Variants in DNAJB1 observed in about 807,000 individuals in gnomAD.
DNAJB1 encodes the protein dnaJ homolog subfamily B member 1.
A neutral mutation model predicts 24.0 loss-of-function variants in DNAJB1; 14 were observed. The ratio of observed to expected loss-of-function variants is 0.58; its 90% CI spans 0.39 to 0.91. DNAJB1 has a LOEUF of 0.91. Among genes scored for constraint, DNAJB1 ranks in the 40% least tolerant of loss-of-function variants. The probability of loss-of-function intolerance (pLI) is 0.00; values close to 1 mark genes in which losing one functional copy is unlikely to be tolerated. For synonymous variants in DNAJB1, 262 were observed against 174.4 expected, an observed-to-expected ratio of 1.50 and a Z score of -3.96; for missense variants, 517 against 458.1, an observed-to-expected ratio of 1.13 and a Z score of -1.17.
Position 14,518,271 on chromosome 19 carries a change from G to A in DNAJB1, c.79C>T (p.Gln27Ter). Reference sequence around the variant, plus strand: ...TTGTCCGGGTGGTAGCGCAGCGCCTGGCGGCGGTAGGCCCGCTTGATCTCC... The same window carrying A: ...TTGTCCGGGTGGTAGCGCAGCGCCTAGCGGCGGTAGGCCCGCTTGATCTCC... ...DEEIKRAYRR[Q>*]ALRYHPDKNK... is the part of the protein sequence containing the mutation. The change falls in exon 1 of 3, where the codon CAG (glutamine) becomes TAG (stop). Residue 27 changes from glutamine to a stop codon, truncating the protein, a stop_gained. Coordinates refer to ENST00000254322, the MANE Select transcript of DNAJB1 (RefSeq NM_006145.3). LOFTEE classifies it high-confidence loss of function. 6.2e-7 allele frequency: 1 copy of A among 1,609,818 alleles called. No homozygotes were observed. Among genetic ancestry groups the A allele is most frequent in the Non-Finnish European group, 8.5e-7 (1 of 1,178,786 alleles).
intron 1 of DNAJB1, among the ~76,000 whole-genome samples, chr19:14,546,985 G>A (rs2073330396): frequency 6.6e-6 from 1 of 152,144 alleles, no homozygotes; most frequent in Admixed American, 6.6e-5. Context: ...ATGAGCCACT[G>A]CACCCAGCCT....
At chr19:14,538,073 T>C (rs1368719133) in intron 1 of DNAJB1, among the ~76,000 whole-genome samples, 1 of 152,150 alleles carries the variant, frequency 6.6e-6, no homozygotes, top group Admixed American at 6.6e-5. Context: ...TAGTAACATA[T>C]CTAAATCGTG....
chr19:14,535,355 A>G (rs1390218306), intron 1 of DNAJB1, among the ~76,000 whole-genome samples: 1 of 150,084 alleles, frequency 6.7e-6, no homozygotes, highest in African/African-American at 2.5e-5. Flanking sequence ...AAAAATAGAA[A>G]AAGTTAGCTG....
Position 14,516,910 on chromosome 19 carries a change from A to T in DNAJB1, c.348T>A (p.Phe116Leu). The T allele has an allele frequency of 1.2e-6, 2 of 1,613,900 alleles. No individual in the cohort carries two copies. The highest frequency in any genetic ancestry group is 1.1e-5 in the South Asian group (1 of 91,074). ...TGCCTTCCTCCCCGTTCCGCTGCCC[A>T]AAAAAGGTGTCAAAGGGATTTCTGC... is the stretch of plus-strand genomic sequence containing the variant. ...FGGRNPFDTF[F>L]GQRNGEEGMD... Residue 116 changes from phenylalanine (F) to leucine (L), a missense_variant, in exon 2 of 3, where the codon TTT (phenylalanine) becomes TTA (leucine). Physicochemically the swap from Phe to Leu is conservative, Grantham distance 22 (BLOSUM62 0). Coordinates refer to ENST00000254322, the MANE Select transcript of DNAJB1 (RefSeq NM_006145.3).
upstream of DNAJB1, among the ~76,000 whole-genome samples, chr19:14,520,363 C>A: frequency 6.6e-6 from 1 of 152,150 alleles, no homozygotes; most frequent in East Asian, 1.9e-4. Context: ...TCTCTTGAGC[C>A]CAGGAATTTG....
chr19:14,542,491 A>G (rs539202003), intron 1 of DNAJB1, among the ~76,000 whole-genome samples: 1 of 149,824 alleles, frequency 6.7e-6, no homozygotes, highest in South Asian at 2.1e-4. Context: ...CCTCCTGAGT[A>G]GCTGGGATTA....
Position 14,518,150 on chromosome 19 carries a change from T to C in DNAJB1, c.200A>G (p.Tyr67Cys). 1 of 1,573,136 alleles carries C rather than the reference T, an allele frequency of 6.4e-7. No homozygotes were observed. ...CCGCGAGCACACACCTTCCTCCCCG[T>C]AGCGGTCGAAGATCTCGCGCTTGCG... Reference protein sequence around the residue: ...DPRKREIFDRYGEEGLKGSGP... With the variant: ...DPRKREIFDRCGEEGLKGSGP... Residue 67 changes from tyrosine (Y) to cysteine (C), a missense_variant, in exon 1 of 3, where the codon TAC (tyrosine) becomes TGC (cysteine). Tyr to Cys is a radical substitution (Grantham distance 194, BLOSUM62 -2). Coordinates refer to ENST00000254322, the MANE Select transcript of DNAJB1 (RefSeq NM_006145.3).
chr19:14,518,359 C>T lies in DNAJB1; in HGVS notation c.-10G>A, dbSNP rs34966794. 0.086 allele frequency: 133,365 copies of T among 1,545,494 alleles called. 6,118 individuals carry two copies. Among genetic ancestry groups the T allele is most frequent in the African/African-American group, 0.12 (8,576 of 72,258 alleles). ...AGTAGTCTTTACCCATGACCCCCTC[C>T]TGCGGCCCGCCGACCCGCTGTCGCC... On this transcript the variant is annotated 5_prime_UTR_variant, in exon 1 of 3. Transcript: ENST00000254322.
At position 14,516,087 on chromosome 19, in the gene DNAJB1, G is replaced by A. The variant is rs1483189056; in HGVS notation, c.876C>T (p.Gly292=). ...CTTCTCCAGGAACTTTTCGCCGCATGCCAGGCCTGATAACATCTTTGAATA... is the reference window on the plus strand; with the variant it reads ...CTTCTCCAGGAACTTTTCGCCGCATACCAGGCCTGATAACATCTTTGAATA... ...PVVFKDVIRP[G]MRRKVPGEGL... is the part of the protein sequence containing the mutation. Residue 292 remains glycine (G), a synonymous_variant, in exon 3 of 3, where the codon GGC becomes GGT. Coordinates refer to ENST00000254322, the MANE Select transcript of DNAJB1 (RefSeq NM_006145.3). 2 of 1,613,822 alleles carry A rather than the reference G, an allele frequency of 1.2e-6. No homozygotes were observed. Among genetic ancestry groups the A allele is most frequent in the African/African-American group, 2.7e-5 (2 of 74,892 alleles).
intron 2 of DNAJB1, among the ~76,000 whole-genome samples, chr19:14,526,414 C>G (rs918914274): frequency 2.0e-5 from 3 of 152,172 alleles, no homozygotes; most frequent in Admixed American, 2.0e-4. Context: ...TTTCTGCTGA[C>G]AGCCTGGTTA....
intron 1 of DNAJB1, among the ~76,000 whole-genome samples, chr19:14,548,515 A>G (rs2073379782): frequency 6.6e-6 from 1 of 152,154 alleles, no homozygotes; most frequent in South Asian, 2.1e-4. Flanking sequence ...GGCAAACTTA[A>G]TCCAGCTAGC....
chr19:14,538,340 G>T (rs1202477278), intron 1 of DNAJB1, among the ~76,000 whole-genome samples: 1 of 152,058 alleles, frequency 6.6e-6, no homozygotes, highest in East Asian at 1.9e-4. Flanking sequence ...ACCCTGTGAG[G>T]CCAGGATAAC....
At chr19:14,541,340 T>C (rs2073090664) in intron 1 of DNAJB1, among the ~76,000 whole-genome samples, 1 of 152,196 alleles carries the variant, frequency 6.6e-6, no homozygotes, top group Non-Finnish European at 1.5e-5. Context: ...GTGGCTGTCC[T>C]GTTCCCCATC....
Position 14,515,127 on chromosome 19 carries a change from C to G in DNAJB1, c.*813G>C, listed in dbSNP as rs909391436. On this transcript the variant is annotated 3_prime_UTR_variant, in exon 3 of 3. Coordinates refer to ENST00000254322, the MANE Select transcript of DNAJB1 (RefSeq NM_006145.3). ...TGTGCAAAATTCAAAAGGATCAGAT[C>G]CCTTTGAAAGAGTCCATAGTCCATG... is the stretch of plus-strand genomic sequence containing the variant. 6.6e-6 allele frequency: 1 copy of G among 152,600 alleles called. No individual in the cohort carries two copies. Among genetic ancestry groups the G allele is most frequent in the Non-Finnish European group, 1.5e-5 (1 of 68,040 alleles). The allele number at this position is 152,600 out of a possible 1,614,324, so 9.5% of individuals were successfully genotyped here. A position where few individuals can be genotyped will look rare whatever the true frequency, so the allele number is the denominator to read the frequency against.
At chr19:14,551,482 A>G (rs1023666960), upstream of DNAJB1, among the ~76,000 whole-genome samples, 2 of 152,052 alleles carry the variant, frequency 1.3e-5, no homozygotes, top group African/African-American at 4.8e-5. Context: ...AGGCACACCC[A>G]TTTACTAGTT....
At chr19:14,533,589 CTG>C (rs2072754205), upstream of DNAJB1, among the ~76,000 whole-genome samples, 1 of 152,204 alleles carries the variant, frequency 6.6e-6, no homozygotes, top group South Asian at 2.1e-4. Flanking sequence ...GACGTGCTGA[CTG>C]TCACGCAACA....
At chr19:14,557,672 G>A (rs971952955) in intron 1 of DNAJB1, among the ~76,000 whole-genome samples, 1 of 151,482 alleles carries the variant, frequency 6.6e-6, no homozygotes, top group Non-Finnish European at 1.5e-5. Context: ...GGCTGGTCTT[G>A]AACTCCTGAC....
At chr19:14,545,234 C>T in intron 1 of DNAJB1, 1 of 456,498 alleles carries the variant, frequency 2.2e-6, no homozygotes, top group Non-Finnish European at 4.4e-6. Context: ...CTTAGCTGCT[C>T]CCCCTAAAAT....
upstream of DNAJB1, among the ~76,000 whole-genome samples, chr19:14,533,105 CTG>C (rs2072734192): frequency 6.7e-6 from 1 of 148,414 alleles, no homozygotes; most frequent in East Asian, 2.0e-4. Flanking sequence ...GAGCGAGACT[CTG>C]TTTTAAAAAA....
Sources: gnomAD v4.1 joint callset for allele counts (sites outside exome capture counted in the v4.1 genomes callset) on GRCh38, gnomAD v4.1.1 for gene constraint, MANE v1.5 for transcripts, NCBI Gene and HGNC (gene_info 2026-07-23, HGNC 2026-07-21) for gene names.